Variants in NEDD4 observed in about 807,000 individuals in gnomAD.
NEDD4 encodes the protein E3 ubiquitin-protein ligase NEDD4.
In NEDD4, 99 loss-of-function variants were observed where a neutral mutation model predicts 144.9. That is an observed-to-expected ratio of 0.68 (90% CI 0.58 to 0.81). The LOEUF (loss-of-function observed/expected upper bound fraction) is 0.81. Ranked by LOEUF, NEDD4 falls within the 30% of genes least tolerant of loss-of-function variation. NEDD4 has a pLI of 0.00. For synonymous variants in NEDD4, 318 were observed against 350.6 expected, an observed-to-expected ratio of 0.91 and a Z score of 1.04; for missense variants, 985 against 1,065.9, an observed-to-expected ratio of 0.92 and a Z score of 1.06.
At chr15:55,900,805 T>C (rs1342496547) in intron 5 of NEDD4, among the ~76,000 whole-genome samples, 23 of 152,178 alleles carry the variant, frequency 1.5e-4, no homozygotes, top group African/African-American at 5.3e-4. Context: ...AACATTTTAA[T>C]ATGAAGATAA....
intron 24 of NEDD4, among the ~76,000 whole-genome samples, 189 bp from the exon 25 acceptor site, chr15:55,834,475 T>A (rs1221875818): frequency 6.6e-6 from 1 of 152,142 alleles, no homozygotes; most frequent in African/African-American, 2.4e-5. Context: ...TCTCTCTCAT[T>A]TATTCCTCAA....
chr15:55,846,550 C>T (rs1242048356), intron 18 of NEDD4, among the ~76,000 whole-genome samples: 5 of 151,960 alleles, frequency 3.3e-5, no homozygotes, highest in African/African-American at 9.7e-5. Flanking sequence ...CATTTGAAGC[C>T]GTAGAGAATG....
chr15:55,952,381 C>T (rs1270587808), intron 2 of NEDD4, among the ~76,000 whole-genome samples: 1 of 151,802 alleles, frequency 6.6e-6, no homozygotes, highest in African/African-American at 2.4e-5. Context: ...TATGTAACCA[C>T]TTCTACAAGG....
intron 4 of NEDD4, among the ~76,000 whole-genome samples, chr15:55,926,531 G>A (rs1299971229): frequency 6.6e-6 from 1 of 152,152 alleles, no homozygotes; most frequent in Non-Finnish European, 1.5e-5. Context: ...GCACTCCTAG[G>A]CTGAGGTGGG....
chr15:55,888,657 G>A lies in NEDD4; in HGVS notation c.292-14649C>T, dbSNP rs568353787. ...CCCAGAATAGCCAGAGGCATCCTAA[G>A]CAAAAAGAACAAAACTGGAGAAATC... is the stretch of plus-strand genomic sequence containing the variant. On this transcript the variant is annotated intron_variant, in intron 5 of 28. Transcript: ENST00000435532. Among the ~76,000 whole-genome samples, 156 of 152,240 alleles carry A rather than the reference G, an allele frequency of 1.0e-3. 1 individual carries two copies. Among genetic ancestry groups the A allele is most frequent in the Middle Eastern group, 3.4e-3 (1 of 294 alleles).
rs1392305306 is a variant in NEDD4, at chr15:55,852,433, G to A, written c.1137C>T (p.Pro379=). The change falls in exon 13 of 29, where the codon CCC becomes CCT. Residue 379 remains proline, a synonymous_variant. Coordinates refer to ENST00000435532, the MANE Select transcript of NEDD4 (RefSeq NM_006154.4). ...HNSRTTTWTK[P]TVQATVETSQ... ...ATAGATTACAGGATACCTGTACAGTGGGCTTTGTCCAAGTAGTCGTTCTGG... is the reference window on the plus strand; with the variant it reads ...ATAGATTACAGGATACCTGTACAGTAGGCTTTGTCCAAGTAGTCGTTCTGG... The A allele has an allele frequency of 3.1e-6, 5 of 1,611,216 alleles. No individual in the cohort carries two copies. Among genetic ancestry groups the A allele is most frequent in the African/African-American group, 1.3e-5 (1 of 74,828 alleles).
At chr15:55,914,671 T>C (rs1417177950) in intron 5 of NEDD4, among the ~76,000 whole-genome samples, 3 of 151,974 alleles carry the variant, frequency 2.0e-5, no homozygotes, top group African/African-American at 7.2e-5. Flanking sequence ...TATATACAAA[T>C]ACAAATGCCA....
chr15:55,883,507 T>C (rs541749534), intron 5 of NEDD4, among the ~76,000 whole-genome samples: 12 of 152,104 alleles, frequency 7.9e-5, no homozygotes, highest in Admixed American at 1.3e-4. Flanking sequence ...TATCTGCTGA[T>C]TGTAGAGCCC....
chr15:55,871,343 G>A (rs1462343614), intron 7 of NEDD4, among the ~76,000 whole-genome samples: 1 of 152,204 alleles, frequency 6.6e-6, no homozygotes, highest in East Asian at 1.9e-4. Flanking sequence ...ATTTAGGAAT[G>A]TAGTACATTT....
At chr15:55,871,572 G>C (rs752389426) in intron 7 of NEDD4, among the ~76,000 whole-genome samples, 1 of 152,084 alleles carries the variant, frequency 6.6e-6, no homozygotes, top group African/African-American at 2.4e-5. Flanking sequence ...TTACATTCCA[G>C]ACATCTACAG....
chr15:55,983,029 G>A (rs1347979607), intron 1 of NEDD4, among the ~76,000 whole-genome samples: 1 of 152,114 alleles, frequency 6.6e-6, no homozygotes, highest in Non-Finnish European at 1.5e-5. Context: ...GGCTGAGGGA[G>A]GAGAATCACT....
At chr15:55,891,060 A>G (rs574842076) in intron 5 of NEDD4, among the ~76,000 whole-genome samples, 6 of 152,166 alleles carry the variant, frequency 3.9e-5, no homozygotes, top group Non-Finnish European at 8.8e-5. Context: ...TTATTGCTCT[A>G]TATTTGTTGT....
intron 1 of NEDD4, among the ~76,000 whole-genome samples, chr15:55,982,357 G>T (rs775832765): frequency 6.6e-6 from 1 of 152,040 alleles, no homozygotes; most frequent in Non-Finnish European, 1.5e-5. Flanking sequence ...ATAGCCCAAA[G>T]TTGGAAACAA....
At chr15:55,837,239 G>A (rs1370255149) in intron 24 of NEDD4, among the ~76,000 whole-genome samples, 2 of 151,950 alleles carry the variant, frequency 1.3e-5, no homozygotes, top group African/African-American at 4.8e-5. Context: ...AGACCAGCCC[G>A]ACCAACATGG....
In NEDD4 at chr15:55,834,951, G is replaced by C. The variant is rs2033128394; in HGVS notation, c.2263-665C>G. On this transcript the variant is annotated intron_variant, in intron 24 of 28. Transcript: ENST00000435532. ...CAGTGCCGCCTCTTCTTTCAGGCTA[G>C]GCCTGCACCTGTGCTTCACCTGCTC... 2.0e-5 allele frequency among the ~76,000 whole-genome samples: 3 copies of C among 152,252 alleles called. No homozygotes were observed. The South Asian group carries it at 6.2e-4, about 32-fold the overall frequency.
chr15:55,933,004 G>A (rs1273212929), intron 4 of NEDD4, among the ~76,000 whole-genome samples: 1 of 152,178 alleles, frequency 6.6e-6, no homozygotes, highest in African/African-American at 2.4e-5. Flanking sequence ...CAGTTAGAAT[G>A]GCGATCATTA....
chr15:55,941,505 AC>A (rs1717331379), intron 4 of NEDD4, among the ~76,000 whole-genome samples: 2 of 152,084 alleles, frequency 1.3e-5, no homozygotes, highest in Admixed American at 1.3e-4. Flanking sequence ...TGATATACAT[AC>A]GTGTGTTACT....
chr15:55,898,193 A>G (rs1360258169), intron 5 of NEDD4, among the ~76,000 whole-genome samples: 3 of 152,196 alleles, frequency 2.0e-5, no homozygotes, highest in Non-Finnish European at 4.4e-5. Flanking sequence ...GTTTTTCCAT[A>G]TAGTGTAAGG....
intron 4 of NEDD4, among the ~76,000 whole-genome samples, chr15:55,948,719 A>C (rs1258823897): frequency 4.6e-5 from 7 of 152,234 alleles, no homozygotes; most frequent in Non-Finnish European, 7.3e-5. Flanking sequence ...TTCCCTATTT[A>C]ATAAATGGTG....
Sources: allele counts gnomAD v4.1 joint callset (sites outside exome capture counted in the v4.1 genomes callset), GRCh38; gene constraint gnomAD v4.1.1; transcripts MANE v1.5; gene names NCBI Gene and HGNC (gene_info 2026-07-23, HGNC 2026-07-21).